CDHR3: variants seen among roughly 807,000 people sequenced by gnomAD.
CDHR3 encodes cadherin related family member 3.
CDHR3 carries 79 observed loss-of-function variants against 86.6 expected under a neutral mutation model. The observed-to-expected ratio is 0.91, with a 90% confidence interval of 0.76 to 1.10. CDHR3 has a LOEUF of 1.10. Among genes scored for constraint, CDHR3 ranks in the 50% least tolerant of loss-of-function variants. CDHR3 has a pLI of 0.00. For synonymous variants in CDHR3, 421 were observed against 402.4 expected (o/e 1.05, Z -0.55); for missense variants, 1,081 against 1,077.6 (o/e 1.00, Z -0.04).
In CDHR3 at chr7:105,983,033, A is replaced by G. The variant is rs576207216; in HGVS notation, c.416-1159A>G. Among the ~76,000 whole-genome samples the G allele has an allele frequency of 2.6e-5, 4 of 151,712 alleles. No individual in the cohort carries two copies. The East Asian group carries it at 5.8e-4, about 22-fold the overall frequency. ...GACAAGTGTCATGTCCTTCCCCGCT[A>G]CAGTTAACCTTCCATAGCCACTTTA... On this transcript the variant is annotated intron_variant, in intron 3 of 18. Coordinates refer to ENST00000317716, the MANE Select transcript of CDHR3 (RefSeq NM_152750.5).
chr7:105,982,482 A>G (rs112271530), intron 3 of CDHR3, among the ~76,000 whole-genome samples: 17,697 of 128,166 alleles, frequency 0.14, 1,077 homozygotes, highest in African/African-American at 0.19. Flanking sequence ...AAAAAAAAAG[A>G]AAAAAAAAAA....
rs1838187654 is a variant in CDHR3, at chr7:106,030,642, C to G, written c.2305-150C>G. ...GTGACTATGCCTGCCTTGTTCATCA[C>G]TGTGTCCCCTGCATCTATCACAGTG... On this transcript the variant is annotated intron_variant, in intron 17 of 18. Transcript: ENST00000317716. This position sits in a 1 kb window ranked among gnomAD's most constrained non-coding sequence, Gnocchi z 4.8. The G allele has an allele frequency of 1.5e-6, 1 of 686,362 alleles. No homozygotes were observed. The highest frequency in any genetic ancestry group is 2.5e-5 in the Admixed American group (1 of 40,506). 42.5% of individuals were successfully genotyped at this position (686,362 alleles called of 1,614,324 possible). A position where few individuals can be genotyped will look rare whatever the true frequency, so the allele number is the denominator to read the frequency against.
intron 15 of CDHR3, 137 bp from the exon 16 acceptor site, chr7:106,026,545 C>A: frequency 1.2e-6 from 1 of 822,286 alleles, no homozygotes; most frequent in Non-Finnish European, 2.1e-6. Context: ...TCTTTCTGGC[C>A]CCTATCCCTG....
At chr7:105,964,992 G>T (rs79125186) in intron 1 of CDHR3, among the ~76,000 whole-genome samples, 6 of 152,010 alleles carry the variant, frequency 3.9e-5, no homozygotes, top group African/African-American at 1.5e-4. Context: ...GAAAGAGTGA[G>T]GTTAGGAAGA....
intron 15 of CDHR3, 136 bp from the exon 16 acceptor site, chr7:106,026,546 C>T: frequency 3.6e-6 from 3 of 833,062 alleles, no homozygotes; most frequent in East Asian, 2.5e-5. Flanking sequence ...CTTTCTGGCC[C>T]CTATCCCTGG....
At chr7:106,016,553 G>A (rs1021565438) in intron 11 of CDHR3, among the ~76,000 whole-genome samples, 1 of 151,988 alleles carries the variant, frequency 6.6e-6, no homozygotes, top group African/African-American at 2.4e-5. Context: ...CCCACTTCCA[G>A]CTTCACTTTC....
chr7:105,968,017 T>C (rs1004742718), intron 1 of CDHR3, among the ~76,000 whole-genome samples: 2 of 152,224 alleles, frequency 1.3e-5, no homozygotes, highest in African/African-American at 4.8e-5. Flanking sequence ...GTTTTAGACA[T>C]GAAGTCCTTG....
rs774528097 is a variant in CDHR3 at position 106,024,492 on chromosome 7, C to T, written c.2188C>T (p.Leu730=). ...ATTGCTTCTGGGTCTCCTCGTGTAC[C>T]TGGTCGTCCTATTGGCCAAAGCCAT... is the stretch of plus-strand genomic sequence containing the variant. ...SILLLGLLVY[L]VVLLAKAIHR... The change falls in exon 15 of 19, where the codon CTG becomes TTG. Residue 730 remains leucine, a synonymous_variant. Coordinates refer to ENST00000317716, the MANE Select transcript of CDHR3 (RefSeq NM_152750.5). 6 of 1,613,916 alleles carry T rather than the reference C, an allele frequency of 3.7e-6. No homozygotes were observed. The highest frequency in any genetic ancestry group is 5.1e-6 in the Non-Finnish European group (6 of 1,179,910).
intron 7 of CDHR3, among the ~76,000 whole-genome samples, chr7:106,002,245 G>T (rs1261536497): frequency 3.3e-5 from 5 of 152,176 alleles, no homozygotes; most frequent in Non-Finnish European, 7.4e-5. Context: ...ATTAACAAGA[G>T]AAAAGCATAC....
rs188885062 is a variant in CDHR3 at position 105,982,195 on chromosome 7, G to A, written c.415+1062G>A. Among the ~76,000 whole-genome samples, 670 of 152,322 alleles carry A rather than the reference G, an allele frequency of 4.4e-3. 1 individual carries two copies. The highest frequency in any genetic ancestry group is 6.4e-3 in the Non-Finnish European group (434 of 68,038). On this transcript the variant is annotated intron_variant, in intron 3 of 18. Coordinates refer to ENST00000317716, the MANE Select transcript of CDHR3 (RefSeq NM_152750.5). ...CTTAAGAACCAATTAAAGGCCGGGC[G>A]CGGTGGCTCACGCCTGTAATCTCAG...
At chr7:106,013,298 G>A (rs1013542802) in intron 9 of CDHR3, among the ~76,000 whole-genome samples, 1 of 152,174 alleles carries the variant, frequency 6.6e-6, no homozygotes. Flanking sequence ...CCTGCTTAGC[G>A]TGCCTTCACA....
At position 105,981,133 on chromosome 7, in the gene CDHR3, G is replaced by A. The variant is rs1829669072; in HGVS notation, c.415G>A (p.Gly139Ser). The A allele has an allele frequency of 3.1e-6, 5 of 1,613,360 alleles. No individual in the cohort carries two copies. Among genetic ancestry groups the A allele is most frequent in the Middle Eastern group, 1.7e-4 (1 of 6,052 alleles). ...PPQFQGNLAE[G>S]LHLYIVERAN... Reference sequence around the variant, plus strand: ...TCAGTTTCAAGGCAACTTGGCAGAAGGTAGGATACACCAGGATGTGCACTG... The same window carrying A: ...TCAGTTTCAAGGCAACTTGGCAGAAAGTAGGATACACCAGGATGTGCACTG... The change falls in exon 3 of 19, where the codon GGT becomes AGT. Residue 139 changes from glycine to serine, a missense_variant and splice_region_variant. Transcript: ENST00000317716.
rs549898806 is a variant in CDHR3 at position 105,989,029 on chromosome 7, T to C, written c.513+4740T>C. Among the ~76,000 whole-genome samples the C allele has an allele frequency of 1.8e-4, 28 of 152,300 alleles. No homozygotes were observed. The South Asian group carries it at 5.2e-3, about 28-fold the overall frequency. On this transcript the variant is annotated intron_variant, in intron 4 of 18. Transcript: ENST00000317716. ...GTACGTGAGGGTAGTGGCTACTGCATTGGCCAGGCACAGGCTTAGATCTAG... is the reference window on the plus strand; with the variant it reads ...GTACGTGAGGGTAGTGGCTACTGCACTGGCCAGGCACAGGCTTAGATCTAG...
chr7:105,989,121 C>T (rs1393939200), intron 4 of CDHR3, among the ~76,000 whole-genome samples: 5 of 152,094 alleles, frequency 3.3e-5, no homozygotes, highest in Non-Finnish European at 7.4e-5. Flanking sequence ...CGGGGCTTGG[C>T]TTGGAGGTAT....
rs1828570987 is a variant in CDHR3 at position 105,974,970 on chromosome 7, G to T, written c.173G>T (p.Gly58Val). The T allele has an allele frequency of 6.2e-7, 1 of 1,613,750 alleles. No homozygotes were observed. Among genetic ancestry groups the T allele is most frequent in the African/African-American group, 1.3e-5 (1 of 74,886 alleles). ...LSASLSPVIP[G>V]FPQIVNSNPL... ...GCATCATTGTCACCTGTGATCCCAG[G>T]ATTTCCCCAGATAGTCAACTCAAAT... The change falls in exon 2 of 19, where the codon GGA becomes GTA. Residue 58 changes from glycine to valine, a missense_variant. Gly to Val is a moderately radical substitution (Grantham distance 109, BLOSUM62 -3). Coordinates refer to ENST00000317716, the MANE Select transcript of CDHR3 (RefSeq NM_152750.5).
At chr7:106,004,926 A>T (rs946863297) in intron 8 of CDHR3, 16 of 533,746 alleles carry the variant, frequency 3.0e-5, no homozygotes, top group Admixed American at 1.5e-4. Context: ...ACTCTTAAGA[A>T]TTATTTTTTA....
intron 9 of CDHR3, 48 bp from the exon 10 acceptor site, chr7:106,015,063 A>T (rs1380519773): frequency 8.2e-6 from 12 of 1,455,368 alleles, no homozygotes; most frequent in Non-Finnish European, 1.1e-5. Flanking sequence ...CAGCCCAATA[A>T]ATAGGATTGT....
intron 15 of CDHR3, 142 bp downstream of exon 15, chr7:106,024,704 G>C: frequency 1.2e-6 from 1 of 823,114 alleles, no homozygotes; most frequent in South Asian, 1.8e-5. Flanking sequence ...AGGAGATACG[G>C]GGGAAGGAAT....
chr7:106,023,087 G>C (rs576525810), intron 14 of CDHR3, among the ~76,000 whole-genome samples: 3 of 152,262 alleles, frequency 2.0e-5, no homozygotes, highest in Middle Eastern at 3.4e-3. Flanking sequence ...ATCAGAATCA[G>C]CACCACCTGG....
Sources: allele counts gnomAD v4.1 joint callset (sites outside exome capture counted in the v4.1 genomes callset), GRCh38; gene constraint gnomAD v4.1.1; non-coding constraint Gnocchi (gnomAD v3.1); transcripts MANE v1.5; gene names NCBI Gene and HGNC (gene_info 2026-07-23, HGNC 2026-07-21).